Variants in SHCBP1L observed in about 807,000 individuals in gnomAD.
SHCBP1L encodes the protein SHC binding and spindle associated 1 like, also known as testicular spindle-associated protein SHCBP1L.
A neutral mutation model predicts 62.5 loss-of-function variants in SHCBP1L; 67 were observed. The ratio of observed to expected loss-of-function variants is 1.07; its 90% CI spans 0.88 to 1.31. The LOEUF is 1.31. Ranked by LOEUF, SHCBP1L falls within the 40% of genes most tolerant of loss-of-function variation. SHCBP1L has a pLI of 0.00. For synonymous variants in SHCBP1L, 284 were observed against 289.4 expected (o/e 0.98, Z 0.19); for missense variants, 823 against 809.8 (o/e 1.02, Z -0.20).
chr1:182,925,409 G>A (rs1229758753), intron 6 of SHCBP1L, among the ~76,000 whole-genome samples: 1 of 151,954 alleles, frequency 6.6e-6, no homozygotes, highest in East Asian at 1.9e-4. Context: ...ATACACAAAT[G>A]GCCAACAAGT....
At chr1:182,937,485 C>T (rs1211518951) in intron 5 of SHCBP1L, among the ~76,000 whole-genome samples, 1 of 152,068 alleles carries the variant, frequency 6.6e-6, no homozygotes, top group Non-Finnish European at 1.5e-5. Context: ...ATGTGATATG[C>T]CTAGGTGTTG....
Position 182,904,309 on chromosome 1 carries a change from A to G in SHCBP1L, c.1458T>C (p.Asp486=). ...HLSLIQQGTV[D]GIVVVESGHM... ...GACCAGACTCCACCACCACGATACCATCAACCGTCCCTTGTTGTATCAAAG... is the reference window on the plus strand; with the variant it reads ...GACCAGACTCCACCACCACGATACCGTCAACCGTCCCTTGTTGTATCAAAG... The change falls in exon 8 of 10, where the codon GAT becomes GAC. Residue 486 remains aspartate, a synonymous_variant. Transcript: ENST00000367547. 1 of 1,614,154 alleles carries G rather than the reference A, an allele frequency of 6.2e-7. No homozygotes were observed. Among genetic ancestry groups the G allele is most frequent in the Non-Finnish European group, 8.5e-7 (1 of 1,180,028 alleles).
In SHCBP1L at chr1:182,904,347, G is replaced by C; in HGVS notation, c.1420C>G (p.Leu474Val). The change falls in exon 8 of 10, where the codon CTA becomes GTA. Residue 474 changes from leucine to valine, a missense_variant. Transcript: ENST00000367547. ...FVVSKADNVKLMHLSLIQQGT... is the reference protein window; with the variant it reads ...FVVSKADNVKVMHLSLIQQGT... ...TGTTGTATCAAAGATAGATGCATTA[G>C]TTTCACATTGTCAGCTTTGGACACC... is the stretch of plus-strand genomic sequence containing the variant. 1 of 1,614,128 alleles carries C rather than the reference G, an allele frequency of 6.2e-7. No homozygotes were observed. The highest frequency in any genetic ancestry group is 1.1e-5 in the South Asian group (1 of 91,084).
chr1:182,920,375 C>A (rs1444495761), intron 6 of SHCBP1L, among the ~76,000 whole-genome samples: 1 of 152,108 alleles, frequency 6.6e-6, no homozygotes, highest in Non-Finnish European at 1.5e-5. Flanking sequence ...CTACCTTATA[C>A]CACAGTAAAA....
In SHCBP1L at chr1:182,940,517, T is replaced by A; in HGVS notation, c.582A>T (p.Ser194=). 1 of 1,613,924 alleles carries A rather than the reference T, an allele frequency of 6.2e-7. No individual in the cohort carries two copies. The highest frequency in any genetic ancestry group is 8.5e-7 in the Non-Finnish European group (1 of 1,179,910). The change falls in exon 3 of 10, where the codon TCA becomes TCT. Residue 194 remains serine (S), a synonymous_variant. Transcript: ENST00000367547. ...AAACAGTAACTTTGAAACGAGATGA[T>A]GAGTCTTGGTATGGTTCACAAGTTA... ...VEVTCEPYQD[S]SSRFKVTVSV... is the part of the protein sequence containing the mutation.
chr1:182,952,460 T>TTAGGAGCTC (rs1651806547), intron 1 of SHCBP1L: 2 of 420,588 alleles, frequency 4.8e-6, no homozygotes, highest in South Asian at 1.2e-4. Flanking sequence ...TCTTCATTTT[T>TTAGGAGCTC]TAGGAGCTCT....
rs1192674548 is a variant in SHCBP1L at position 182,924,700 on chromosome 1, GGAAGAAA to G, written c.1182+4940_1182+4946del. Among the ~76,000 whole-genome samples the G allele has an allele frequency of 1.9e-3, 162 of 84,174 alleles. 1 individual carries two copies. Among genetic ancestry groups the G allele is most frequent in the African/African-American group, 2.4e-3 (40 of 16,838 alleles). 55.2% of individuals were successfully genotyped at this position (84,174 alleles called of 152,430 possible). On this transcript the variant is annotated intron_variant, in intron 6 of 9. Coordinates refer to ENST00000367547, the MANE Select transcript of SHCBP1L (RefSeq NM_030933.4). ...AGAAAGGAAAGGAAAGGAAAGGAAA[GGAAGAAA>G]GAAAGAAAGAAAGAAAGAAAGAAAG...
intron 5 of SHCBP1L, among the ~76,000 whole-genome samples, chr1:182,938,267 C>T (rs977202026): frequency 6.6e-6 from 1 of 151,550 alleles, no homozygotes; most frequent in Non-Finnish European, 1.5e-5. Context: ...ACCACCACGC[C>T]CGGCTAATTT....
At chr1:182,935,529 C>T (rs1053583548) in intron 5 of SHCBP1L, among the ~76,000 whole-genome samples, 2 of 152,140 alleles carry the variant, frequency 1.3e-5, no homozygotes, top group Non-Finnish European at 2.9e-5. Context: ...ACTCATTTAT[C>T]GGTTTCAGGA....
At chr1:182,906,014 A>G (rs1264901423) in intron 6 of SHCBP1L, among the ~76,000 whole-genome samples, 1 of 152,124 alleles carries the variant, frequency 6.6e-6, no homozygotes, top group Non-Finnish European at 1.5e-5. Flanking sequence ...GGCTCACTGC[A>G]ACCCCTGCCT....
intron 6 of SHCBP1L, among the ~76,000 whole-genome samples, chr1:182,921,063 G>C (rs972491075): frequency 6.6e-6 from 1 of 151,916 alleles, no homozygotes; most frequent in African/African-American, 2.4e-5. Flanking sequence ...CCATCCCCAA[G>C]ACATAGTCAT....
At chr1:182,937,756 A>C (rs548458982) in intron 5 of SHCBP1L, among the ~76,000 whole-genome samples, 13 of 152,084 alleles carry the variant, frequency 8.5e-5, no homozygotes, top group Non-Finnish European at 1.0e-4. Context: ...CTATTGACAA[A>C]TCTTTAAACT....
At chr1:182,933,431 A>T (rs1202178715) in intron 5 of SHCBP1L, among the ~76,000 whole-genome samples, 1 of 152,160 alleles carries the variant, frequency 6.6e-6, no homozygotes, top group Non-Finnish European at 1.5e-5. Flanking sequence ...GGGGAAAAAC[A>T]TCTCTTCTTT....
At chr1:182,904,551 G>A in intron 7 of SHCBP1L, 121 bp from the exon 8 acceptor site, 1 of 818,516 alleles carries the variant, frequency 1.2e-6, no homozygotes, top group East Asian at 2.7e-5. Context: ...GTGTGTGTGT[G>A]TGTGTGTGTG....
intron 6 of SHCBP1L, among the ~76,000 whole-genome samples, chr1:182,924,422 C>A (rs1456082632): frequency 6.6e-6 from 1 of 151,506 alleles, no homozygotes; most frequent in Non-Finnish European, 1.5e-5. Flanking sequence ...CTCAGCCTCC[C>A]GAGTAGCTGG....
chr1:182,907,297 G>C (rs1215055233), intron 6 of SHCBP1L, among the ~76,000 whole-genome samples: 1 of 151,254 alleles, frequency 6.6e-6, no homozygotes, highest in Non-Finnish European at 1.5e-5. Context: ...GCCAGGCATG[G>C]TGGTACATGC....
intron 6 of SHCBP1L, among the ~76,000 whole-genome samples, chr1:182,920,669 T>G (rs551963923): frequency 6.6e-6 from 1 of 152,074 alleles, no homozygotes; most frequent in South Asian, 2.1e-4. Context: ...ATGAATCCAA[T>G]AAACAATACA....
At chr1:182,925,070 GGGAAGGAAAGGAAGGAAA>G (rs755423521) in intron 6 of SHCBP1L, among the ~76,000 whole-genome samples, 3 of 146,758 alleles carry the variant, frequency 2.0e-5, no homozygotes, top group African/African-American at 7.7e-5. Flanking sequence ...AGGGAAGGAA[GGGAAGGAAAGGAAGGAAA>G]GGAAGGAAAG....
intron 6 of SHCBP1L, among the ~76,000 whole-genome samples, chr1:182,914,052 T>C (rs1301055314): frequency 6.6e-6 from 1 of 152,096 alleles, no homozygotes; most frequent in African/African-American, 2.4e-5. Flanking sequence ...AGAGAAGCAA[T>C]GCATTAAGTA....
Sources: allele counts gnomAD v4.1 joint callset (sites outside exome capture counted in the v4.1 genomes callset), GRCh38; gene constraint gnomAD v4.1.1; transcripts MANE v1.5; gene names NCBI Gene and HGNC (gene_info 2026-07-23, HGNC 2026-07-21).